Variants in CCDC171 observed in about 807,000 individuals in gnomAD.
CCDC171 encodes coiled-coil domain containing 171.
CCDC171 carries 177 observed loss-of-function variants against 168.2 expected under a neutral mutation model. The observed-to-expected ratio is 1.05, with a 90% CI of 0.93 to 1.19. The LOEUF is 1.19. CCDC171 is among the 50% of genes most tolerant of loss of function. CCDC171 has a pLI of 0.00. For missense variants in CCDC171, 1,991 were observed against 1,539.0 expected, an observed-to-expected ratio of 1.29 and a Z score of -4.91; for synonymous variants, 687 against 540.8, an observed-to-expected ratio of 1.27 and a Z score of -3.75.
In CCDC171 at chr9:15,564,123, C is replaced by T. The variant is rs770791531; in HGVS notation, c.35C>T (p.Thr12Ile). 4.4e-6 allele frequency: 7 copies of T among 1,607,612 alleles called. No individual in the cohort carries two copies. The highest frequency in any genetic ancestry group is 5.1e-6 in the Non-Finnish European group (6 of 1,176,614). Residue 12 changes from threonine (T) to isoleucine (I), a missense_variant, in exon 2 of 26, where the codon ACC becomes ATC. Coordinates refer to ENST00000380701, the MANE Select transcript of CCDC171 (RefSeq NM_173550.4). ...AATACTTCAAGTAATACTGGTGATA[C>T]CCAAAGGTAAGCCTCTAGTCTCTTC... ...NLNTSSNTGDTQRLKIASLDV... is the reference protein window; with the variant it reads ...NLNTSSNTGDIQRLKIASLDV...
intron 3 of CCDC171, among the ~76,000 whole-genome samples, chr9:16,005,486 A>G (rs1043767545): frequency 1.3e-5 from 2 of 152,188 alleles, no homozygotes; most frequent in Non-Finnish European, 2.9e-5. Context: ...GTGTGAACAT[A>G]TGTTTTCTTT....
intron 23 of CCDC171, among the ~76,000 whole-genome samples, chr9:15,859,805 A>G (rs988536789): frequency 2.0e-5 from 3 of 151,646 alleles, no homozygotes; most frequent in Non-Finnish European, 4.4e-5. Context: ...GACTACAGGC[A>G]TATGCCACCA....
At chr9:15,590,854 T>C (rs1000217029) in intron 4 of CCDC171, among the ~76,000 whole-genome samples, 1 of 147,370 alleles carries the variant, frequency 6.8e-6, no homozygotes, top group South Asian at 2.2e-4. Flanking sequence ...TTTCTTTCTT[T>C]TTTCTTTCTT....
intron 10 of CCDC171, among the ~76,000 whole-genome samples, chr9:15,687,624 T>G (rs1396398297): frequency 1.3e-5 from 2 of 152,100 alleles, no homozygotes; most frequent in Non-Finnish European, 2.9e-5. Context: ...ATAACTCAAT[T>G]GATAACTTTA....
intron 21 of CCDC171, among the ~76,000 whole-genome samples, chr9:15,805,241 C>A (rs2135853861): frequency 6.6e-6 from 1 of 152,152 alleles, no homozygotes; most frequent in South Asian, 2.1e-4. Context: ...TCTCTATCTC[C>A]TTCAGTTAAA....
chr9:15,834,998 A>G lies in CCDC171; in HGVS notation c.3268-11704A>G, dbSNP rs78317413. On this transcript the variant is annotated intron_variant, in intron 21 of 25. Transcript: ENST00000380701. Reference sequence around the variant, plus strand: ...ACACAGAACATAGAGTCCTTGTGGAATTCAGAAAATCATTTATCTGTGAAG... The same window carrying G: ...ACACAGAACATAGAGTCCTTGTGGAGTTCAGAAAATCATTTATCTGTGAAG... 7.9e-3 allele frequency among the ~76,000 whole-genome samples: 1,208 copies of G among 152,332 alleles called. 12 individuals carry two copies. The highest frequency in any genetic ancestry group is 0.028 in the African/African-American group (1,151 of 41,568).
At chr9:15,776,990 A>G (rs943362553) in intron 18 of CCDC171, among the ~76,000 whole-genome samples, 9 of 152,238 alleles carry the variant, frequency 5.9e-5, no homozygotes, top group African/African-American at 1.9e-4. Flanking sequence ...GCGTAAATAA[A>G]CCTATTAACC....
In CCDC171 at chr9:15,719,895, G is replaced by T. The variant is rs140155103; in HGVS notation, c.1319-1874G>T. Among the ~76,000 whole-genome samples the T allele has an allele frequency of 8.5e-5, 13 of 152,170 alleles. No homozygotes were observed. In the East Asian group the frequency reaches 2.5e-3, roughly 29 times the overall value. On this transcript the variant is annotated intron_variant, in intron 11 of 25. Coordinates refer to ENST00000380701, the MANE Select transcript of CCDC171 (RefSeq NM_173550.4). Reference sequence around the variant, plus strand: ...TTACTTTTTTTTTCATCTTGTGCAAGAGAGGAGTTTAAAAATATATATTTG... The same window carrying T: ...TTACTTTTTTTTTCATCTTGTGCAATAGAGGAGTTTAAAAATATATATTTG...
At position 15,829,457 on chromosome 9, in the gene CCDC171, G is replaced by C. The variant is rs73644955; in HGVS notation, c.3268-17245G>C. Among the ~76,000 whole-genome samples, 580 of 152,294 alleles carry C rather than the reference G, an allele frequency of 3.8e-3. 6 individuals are homozygous for C. The highest frequency in any genetic ancestry group is 0.014 in the African/African-American group (563 of 41,564). ...ATGAGAAGAGGGAGATGTGAAGAAA[G>C]ATAGAAAGACTTGGGATTGGATAAA... On this transcript the variant is annotated intron_variant, in intron 21 of 25. Transcript: ENST00000380701.
At chr9:15,794,781 A>T (rs1410027797) in intron 21 of CCDC171, among the ~76,000 whole-genome samples, 1 of 152,226 alleles carries the variant, frequency 6.6e-6, no homozygotes, top group East Asian at 1.9e-4. Flanking sequence ...TTAGTATTCT[A>T]ATGTTAAACC....
At chr9:15,828,708 T>C in intron 21 of CCDC171, among the ~76,000 whole-genome samples, 1 of 152,238 alleles carries the variant, frequency 6.6e-6, no homozygotes. Context: ...GAATGAAAAC[T>C]ATTTTTTCAA....
chr9:15,692,530 CTT>C (rs1373727093), intron 10 of CCDC171, among the ~76,000 whole-genome samples: 25 of 142,642 alleles, frequency 1.8e-4, no homozygotes, highest in Admixed American at 2.1e-4. Flanking sequence ...ATCATTACTA[CTT>C]TTTTTTTTTT....
intron 21 of CCDC171, among the ~76,000 whole-genome samples, chr9:15,815,311 T>TACA (rs1563794788): frequency 8.0e-6 from 1 of 125,140 alleles, no homozygotes; most frequent in Non-Finnish European, 1.8e-5. Context: ...AACTCTGTGC[T>TACA]TTATTGTTCT....
intron 24 of CCDC171, among the ~76,000 whole-genome samples, chr9:15,911,191 A>G (rs1237672286): frequency 1.3e-5 from 2 of 152,272 alleles, no homozygotes; most frequent in East Asian, 3.9e-4. Flanking sequence ...ATTTCTTCAC[A>G]TCCTCTCCAG....
intron 25 of CCDC171, among the ~76,000 whole-genome samples, chr9:15,970,014 C>G (rs1037363505): frequency 2.6e-5 from 4 of 152,166 alleles, no homozygotes; most frequent in Non-Finnish European, 5.9e-5. Context: ...TTTCCTTCCA[C>G]TGGGAAACCT....
intron 24 of CCDC171, among the ~76,000 whole-genome samples, chr9:15,894,123 G>T (rs548474445): frequency 6.6e-6 from 1 of 152,272 alleles, no homozygotes; most frequent in South Asian, 2.1e-4. Flanking sequence ...CGTGTTCTTT[G>T]TGGGAACATG....
At chr9:15,840,025 A>G (rs2060610759) in intron 21 of CCDC171, among the ~76,000 whole-genome samples, 1 of 152,090 alleles carries the variant, frequency 6.6e-6, no homozygotes, top group Non-Finnish European at 1.5e-5. Flanking sequence ...ATTTACTTTT[A>G]TTAAAAGTAG....
intron 21 of CCDC171, among the ~76,000 whole-genome samples, chr9:15,823,502 G>T (rs1249511162): frequency 1.3e-5 from 2 of 151,940 alleles, no homozygotes; most frequent in African/African-American, 4.8e-5. Flanking sequence ...ATATACCTTG[G>T]CTAGGCACAT....
chr9:16,022,088 C>T (rs1833181552), intron 4 of CCDC171, among the ~76,000 whole-genome samples: 2 of 152,196 alleles, frequency 1.3e-5, no homozygotes, highest in Middle Eastern at 3.4e-3. Context: ...GACAAGTAGG[C>T]ATATGAGTGG....
Sources: gnomAD v4.1 joint callset for allele counts (sites outside exome capture counted in the v4.1 genomes callset) on GRCh38, gnomAD v4.1.1 for gene constraint, MANE v1.5 for transcripts, NCBI Gene and HGNC (gene_info 2026-07-23, HGNC 2026-07-21) for gene names.